FBXO34: variants seen among roughly 807,000 people sequenced by gnomAD.
FBXO34 encodes F-box protein 34, also known as F-box only protein 34.
FBXO34 carries 12 observed loss-of-function variants against 24.5 expected under a neutral mutation model. That is an observed-to-expected ratio of 0.49 (90% CI 0.31 to 0.79). The LOEUF (loss-of-function observed/expected upper bound fraction) is 0.79, where lower values mean the gene tolerates loss of function less well. Among genes scored for constraint, FBXO34 ranks in the 30% least tolerant of loss-of-function variants. FBXO34 has a pLI of 0.04. For synonymous variants in FBXO34, 320 were observed against 311.9 expected (o/e 1.03, Z -0.27); for missense variants, 823 against 857.7 (o/e 0.96, Z 0.51).
At chr14:55,355,551 CATT>C (rs532249104), downstream of FBXO34, among the ~76,000 whole-genome samples, 16 of 152,208 alleles carry the variant, frequency 1.1e-4, no homozygotes, top group Non-Finnish European at 2.4e-4. Context: ...TTTTTCTTGT[CATT>C]ATTCCCTAAA....
At chr14:55,287,674 T>G (rs757100909) in intron 1 of FBXO34, among the ~76,000 whole-genome samples, 1 of 152,146 alleles carries the variant, frequency 6.6e-6, no homozygotes, top group Non-Finnish European at 1.5e-5. Flanking sequence ...AACATCAGAA[T>G]CGATTGAGGG....
At chr14:55,357,572 T>A (rs1884539952), downstream of FBXO34, among the ~76,000 whole-genome samples, 1 of 152,102 alleles carries the variant, frequency 6.6e-6, no homozygotes, top group Non-Finnish European at 1.5e-5. Flanking sequence ...TCCGAGCACT[T>A]TAGGAGGCCA....
the FBXO34 span, among the ~76,000 whole-genome samples, chr14:55,414,672 G>A: frequency 6.6e-6 from 1 of 152,152 alleles, no homozygotes; most frequent in Non-Finnish European, 1.5e-5. Context: ...GAACTTCTCT[G>A]TGGGTGTCAT....
chr14:55,342,842 A>G (rs956049196), intron 1 of FBXO34, among the ~76,000 whole-genome samples: 1 of 152,242 alleles, frequency 6.6e-6, no homozygotes, highest in Non-Finnish European at 1.5e-5. Context: ...AGATGCTGTC[A>G]GAATTATTTA....
downstream of FBXO34, among the ~76,000 whole-genome samples, chr14:55,370,171 T>G (rs529897716): frequency 6.6e-5 from 10 of 152,246 alleles, no homozygotes; most frequent in Admixed American, 3.9e-4. Flanking sequence ...ACTTCATTGG[T>G]GATGACCGTG....
intron 1 of FBXO34, among the ~76,000 whole-genome samples, chr14:55,308,331 T>A (rs1415330882): frequency 1.3e-5 from 2 of 152,230 alleles, no homozygotes; most frequent in African/African-American, 4.8e-5. Context: ...TTTAAAGGTA[T>A]TTAATGTATG....
chr14:55,441,945 T>C, the FBXO34 span, among the ~76,000 whole-genome samples: 1 of 151,510 alleles, frequency 6.6e-6, no homozygotes, highest in Non-Finnish European at 1.5e-5. Flanking sequence ...GTATTTTTAG[T>C]AGAGACGAGT....
At chr14:55,436,622 T>C in the FBXO34 span, 2,480 of 1,614,210 alleles carry the variant, frequency 1.5e-3, 4 homozygotes, top group Middle Eastern at 7.4e-3. Context: ...ATGGGAGTTA[T>C]GGATGCCAGA....
chr14:55,440,427 A>G, the FBXO34 span: 1 of 1,607,084 alleles, frequency 6.2e-7, no homozygotes, highest in East Asian at 2.2e-5. Context: ...GTAGAGCTCC[A>G]GGTAGGTCTC....
At chr14:55,363,053 G>T (rs1255668001), downstream of FBXO34, among the ~76,000 whole-genome samples, 1 of 138,496 alleles carries the variant, frequency 7.2e-6, no homozygotes, top group South Asian at 2.3e-4. Context: ...ACGGAGTTTC[G>T]CTCTTGTTGC....
At chr14:55,349,729 C>T (rs1884280422) in intron 1 of FBXO34, among the ~76,000 whole-genome samples, 1 of 150,772 alleles carries the variant, frequency 6.6e-6, no homozygotes, top group Non-Finnish European at 1.5e-5. Flanking sequence ...GCCTCAGCCT[C>T]TCGAGTAGCT....
chr14:55,291,472 C>T (rs747385913), intron 1 of FBXO34, among the ~76,000 whole-genome samples: 10 of 152,166 alleles, frequency 6.6e-5, no homozygotes, highest in African/African-American at 7.2e-5. Flanking sequence ...AGAAACCCTT[C>T]TACTCACAAA....
chr14:55,365,583 C>T (rs1014843474), downstream of FBXO34, among the ~76,000 whole-genome samples: 3 of 152,160 alleles, frequency 2.0e-5, no homozygotes, highest in African/African-American at 7.2e-5. Context: ...CTTAATTCCT[C>T]CCAATCTGTT....
At chr14:55,366,193 T>A (rs1182428995), downstream of FBXO34, among the ~76,000 whole-genome samples, 3 of 152,160 alleles carry the variant, frequency 2.0e-5, no homozygotes, top group African/African-American at 7.2e-5. Context: ...GCTTCTCAGC[T>A]TGGGAAAGAT....
the FBXO34 span, among the ~76,000 whole-genome samples, chr14:55,410,535 C>T: frequency 6.6e-6 from 1 of 152,172 alleles, no homozygotes; most frequent in Non-Finnish European, 1.5e-5. Context: ...TCATTCAAAC[C>T]TCCTCAAAAG....
At chr14:55,411,937 C>G in the FBXO34 span, 19 of 948,854 alleles carry the variant, frequency 2.0e-5, no homozygotes, top group East Asian at 4.8e-4. Flanking sequence ...CCCCCGGACC[C>G]CTCCGCCGCC....
At chr14:55,417,453 TAAA>T in the FBXO34 span, among the ~76,000 whole-genome samples, 5,978 of 91,118 alleles carry the variant, frequency 0.066, 220 homozygotes, top group Middle Eastern at 0.087. Context: ...ACCCTTGCCT[TAAA>T]AAAAAAAAAA....
chr14:55,350,736 A>G lies in FBXO34; in HGVS notation c.346A>G (p.Thr116Ala). 1 of 1,610,748 alleles carries G rather than the reference A, an allele frequency of 6.2e-7. No individual in the cohort carries two copies. Among genetic ancestry groups the G allele is most frequent in the South Asian group, 1.1e-5 (1 of 90,440 alleles). ...CTGGGCTGTTGTGAAACCTGGAAAT[A>G]CCAAGGAAAAAATTGCATTCTTTGC... ...DIWAVVKPGN[T>A]KEKIAFFASH... The change falls in exon 2 of 2, where the codon ACC becomes GCC. Residue 116 changes from threonine to alanine, a missense_variant. Physicochemically the swap from Thr to Ala is moderately conservative, Grantham distance 58. Coordinates refer to ENST00000313833, the MANE Select transcript of FBXO34 (RefSeq NM_017943.4).
chr14:55,335,345 G>A (rs1204578729), intron 1 of FBXO34: 2 of 152,166 alleles, frequency 1.3e-5, no homozygotes, highest in African/African-American at 4.8e-5. Flanking sequence ...GGTAGGTAAT[G>A]CTTTCCTTTG....
Sources: gnomAD v4.1 joint callset for allele counts (sites outside exome capture counted in the v4.1 genomes callset) on GRCh38, gnomAD v4.1.1 for gene constraint, MANE v1.5 for transcripts, NCBI Gene and HGNC (gene_info 2026-07-23, HGNC 2026-07-21) for gene names.